CUX2: variants seen among roughly 807,000 people sequenced by gnomAD.
CUX2 encodes homeobox protein cut-like 2.
A neutral mutation model predicts 144.8 loss-of-function variants in CUX2; 40 were observed. That is an observed-to-expected ratio of 0.28 (90% CI 0.21 to 0.36). CUX2 has a LOEUF of 0.36. Among genes scored for constraint, CUX2 ranks in the 10% least tolerant of loss-of-function variants. The probability of loss-of-function intolerance (pLI) is 1.00; values close to 1 mark genes in which losing one functional copy is unlikely to be tolerated. For synonymous variants in CUX2, 827 were observed against 875.6 expected, an observed-to-expected ratio of 0.94 and a Z score of 0.98; for missense variants, 1,615 against 1,994.0, an observed-to-expected ratio of 0.81 and a Z score of 3.62.
chr12:111,094,252 C>T (rs1209269297), intron 1 of CUX2, among the ~76,000 whole-genome samples: 5 of 152,184 alleles, frequency 3.3e-5, no homozygotes, highest in Admixed American at 2.0e-4. Context: ...CTCCAAGAGC[C>T]GCATGAAGGA....
chr12:111,338,598 C>A, intron 20 of CUX2, 124 bp downstream of exon 20: 2 of 783,918 alleles, frequency 2.6e-6, no homozygotes, highest in Non-Finnish European at 4.0e-6. Context: ...TATGGGACTG[C>A]ATGAAATAGC....
intron 1 of CUX2, among the ~76,000 whole-genome samples, chr12:111,169,169 G>C (rs2136163705): frequency 6.6e-6 from 1 of 152,326 alleles, no homozygotes; most frequent in South Asian, 2.1e-4. Flanking sequence ...CATGAAGACA[G>C]GGACACTCAG....
chr12:111,132,557 CTTTTTTTTTTTTT>C (rs1182564665), intron 1 of CUX2, among the ~76,000 whole-genome samples: 122 of 97,158 alleles, frequency 1.3e-3, no homozygotes, highest in Non-Finnish European at 1.9e-3. Flanking sequence ...GCTCTGTTTC[CTTTTTTTTTTTTT>C]TTTTTTTTTT....
chr12:111,237,213 G>T (rs1882799661), intron 3 of CUX2, among the ~76,000 whole-genome samples: 1 of 152,190 alleles, frequency 6.6e-6, no homozygotes, highest in South Asian at 2.1e-4. Context: ...ATAAGGAAGG[G>T]TTATTATATC....
At chr12:111,049,398 T>C (rs184478092) in intron 1 of CUX2, among the ~76,000 whole-genome samples, 1 of 152,274 alleles carries the variant, frequency 6.6e-6, no homozygotes, top group East Asian at 1.9e-4. Context: ...CAGCCAACAC[T>C]AGGAATGTAA....
At chr12:111,199,303 G>C (rs909424661) in intron 1 of CUX2, among the ~76,000 whole-genome samples, 1 of 152,164 alleles carries the variant, frequency 6.6e-6, no homozygotes, top group East Asian at 1.9e-4. Flanking sequence ...ATTCGAACTC[G>C]GGCTTTCCTG....
chr12:111,124,131 C>G (rs1041113305), intron 1 of CUX2, among the ~76,000 whole-genome samples: 1 of 152,214 alleles, frequency 6.6e-6, no homozygotes, highest in African/African-American at 2.4e-5. Flanking sequence ...CCGCATACCC[C>G]TGAGCAGTGT....
chr12:111,045,981 G>GCCCTCAC (rs1869976676), intron 1 of CUX2, among the ~76,000 whole-genome samples: 1 of 152,170 alleles, frequency 6.6e-6, no homozygotes, highest in Admixed American at 6.5e-5. Context: ...CAGCTCAGTG[G>GCCCTCAC]TGCCCAAATC....
chr12:111,198,242 G>A (rs1199036820), intron 1 of CUX2, among the ~76,000 whole-genome samples: 4 of 152,122 alleles, frequency 2.6e-5, no homozygotes, highest in African/African-American at 4.8e-5. Context: ...TTGGGAGGCC[G>A]AGGTGGATAG....
At chr12:111,114,881 A>G (rs1338077139) in intron 1 of CUX2, among the ~76,000 whole-genome samples, 1 of 152,084 alleles carries the variant, frequency 6.6e-6, no homozygotes, top group Non-Finnish European at 1.5e-5. Flanking sequence ...TTTTTTCTTT[A>G]TGGATATCCA....
intron 1 of CUX2, among the ~76,000 whole-genome samples, chr12:111,119,890 T>C (rs1874532900): frequency 6.6e-6 from 1 of 152,174 alleles, no homozygotes; most frequent in African/African-American, 2.4e-5. Context: ...AAACCCTGTC[T>C]CTACTAAAAA....
chr12:111,212,605 A>G (rs987143585), intron 1 of CUX2, among the ~76,000 whole-genome samples: 1 of 152,224 alleles, frequency 6.6e-6, no homozygotes, highest in African/African-American at 2.4e-5. Context: ...TTGGCCTCCC[A>G]AAGTGCTGAG....
chr12:111,148,838 A>T (rs1876864692), intron 1 of CUX2, among the ~76,000 whole-genome samples: 1 of 152,150 alleles, frequency 6.6e-6, no homozygotes, highest in African/African-American at 2.4e-5. Flanking sequence ...CTCTAAAAAA[A>T]TTTTAAAAAT....
chr12:111,118,630 C>A (rs1874439876), intron 1 of CUX2, among the ~76,000 whole-genome samples: 1 of 152,214 alleles, frequency 6.6e-6, no homozygotes, highest in South Asian at 2.1e-4. Context: ...ATGGATCCAA[C>A]TGGTCCCAGG....
intron 1 of CUX2, among the ~76,000 whole-genome samples, chr12:111,185,448 A>C (rs994865835): frequency 2.6e-5 from 4 of 152,234 alleles, no homozygotes; most frequent in Non-Finnish European, 5.9e-5. Flanking sequence ...GTGGTCACCC[A>C]GAGCAGGGAC....
chr12:111,295,489 G>A lies in CUX2; in HGVS notation c.637+80G>A. 1 of 1,236,192 alleles carries A rather than the reference G, an allele frequency of 8.1e-7. No homozygotes were observed. The highest frequency in any genetic ancestry group is 1.1e-6 in the Non-Finnish European group (1 of 879,848). 76.6% of individuals were successfully genotyped at this position (1,236,192 alleles called of 1,614,324 possible). A position where few individuals can be genotyped will look rare whatever the true frequency, so the allele number is the denominator to read the frequency against. ...TGTCAACGAGGGGTCACGGCTTGGG[G>A]TCTGCCACATCCAGGTGTTTTAGAA... is the stretch of plus-strand genomic sequence containing the variant. On this transcript the variant is annotated intron_variant, in intron 7 of 21. Coordinates refer to ENST00000261726, the MANE Select transcript of CUX2 (RefSeq NM_015267.4). This position sits in a 1 kb window ranked among gnomAD's most constrained non-coding sequence, Gnocchi z 5.0.
At chr12:111,142,099 C>T (rs1450230472) in intron 1 of CUX2, among the ~76,000 whole-genome samples, 2 of 152,094 alleles carry the variant, frequency 1.3e-5, no homozygotes, top group Admixed American at 1.3e-4. Context: ...AAAGGGAAAA[C>T]TATTGCCTGG....
intron 1 of CUX2, among the ~76,000 whole-genome samples, chr12:111,044,004 G>C (rs551207957): frequency 2.6e-5 from 4 of 152,302 alleles, no homozygotes; most frequent in African/African-American, 7.2e-5. Context: ...GCACAGACTC[G>C]TACCTGGGAC....
At chr12:111,272,989 C>T (rs530467898) in intron 4 of CUX2, among the ~76,000 whole-genome samples, 1 of 152,158 alleles carries the variant, frequency 6.6e-6, no homozygotes, top group South Asian at 2.1e-4. Context: ...GACAGGCATT[C>T]GAGCCGTGGC....
Sources: gnomAD v4.1 joint callset for allele counts (sites outside exome capture counted in the v4.1 genomes callset) on GRCh38, gnomAD v4.1.1 for gene constraint, Gnocchi (gnomAD v3.1) non-coding constraint, MANE v1.5 for transcripts, NCBI Gene and HGNC (gene_info 2026-07-23, HGNC 2026-07-21) for gene names.